The following PUDP variants were observed in gnomAD, a reference collection of about 807,000 sequenced individuals.
The protein encoded by PUDP is pseudouridine 5'-phosphatase.
In PUDP, 8 loss-of-function variants were observed where a neutral mutation model predicts 9.4. The ratio of observed to expected loss-of-function variants is 0.85; its 90% CI spans 0.50 to 1.53. PUDP has a LOEUF of 1.53. Among genes scored for constraint, PUDP ranks in the 40% most tolerant of loss-of-function variants. The pLI, the probability that PUDP is intolerant of heterozygous loss-of-function variation, is 0.00. For synonymous variants in PUDP, 99 were observed against 80.7 expected, an observed-to-expected ratio of 1.23 and a Z score of -1.22; for missense variants, 188 against 189.7, an observed-to-expected ratio of 0.99 and a Z score of 0.05.
chrX:7,129,358 A>T (rs966977436), intron 1 of PUDP, among the ~76,000 whole-genome samples: 8 of 111,777 alleles, frequency 7.2e-5, no homozygotes, highest in Non-Finnish European at 1.3e-4. Flanking sequence ...ACATGTGCCC[A>T]TTCATTCAAG....
intron 3 of PUDP, among the ~76,000 whole-genome samples, chrX:7,064,652 G>C (rs770702606): frequency 9.0e-6 from 1 of 111,487 alleles, no homozygotes; most frequent in South Asian, 3.9e-4. Flanking sequence ...TTTCTAGAGA[G>C]CTGTGTTTGG....
intron 1 of PUDP, among the ~76,000 whole-genome samples, chrX:7,038,808 T>C (rs1929885177): frequency 8.9e-6 from 1 of 112,298 alleles, no homozygotes; most frequent in Admixed American, 9.4e-5. Flanking sequence ...AAGAAAATCC[T>C]AGGTTTACTC....
At chrX:6,940,363 T>C (rs1928381875) in intron 3 of PUDP, among the ~76,000 whole-genome samples, 1 of 112,858 alleles carries the variant, frequency 8.9e-6, no homozygotes, top group Non-Finnish European at 1.9e-5. Context: ...ATTTAATTTC[T>C]GGACACTTAG....
chrX:7,020,189 T>C (rs936130546), intron 1 of PUDP, among the ~76,000 whole-genome samples: 2 of 110,603 alleles, frequency 1.8e-5, no homozygotes, highest in Non-Finnish European at 3.8e-5. Flanking sequence ...CTTCTCTGGA[T>C]ATAGAAGATG....
intron 1 of PUDP, among the ~76,000 whole-genome samples, chrX:6,990,984 T>C (rs149694966): frequency 5.4e-4 from 61 of 112,699 alleles, no homozygotes; most frequent in Non-Finnish European, 9.2e-4. Flanking sequence ...ACAAGAGTGC[T>C]GATAGTTGCT....
At chrX:6,758,773 A>G (rs1925197473) in intron 3 of PUDP, among the ~76,000 whole-genome samples, 1 of 111,371 alleles carries the variant, frequency 9.0e-6, no homozygotes, top group South Asian at 3.8e-4. Context: ...CCAAATCACT[A>G]CAGTCGCTCT....
At chrX:7,087,728 C>A (rs933757391) in intron 2 of PUDP, among the ~76,000 whole-genome samples, 1 of 112,257 alleles carries the variant, frequency 8.9e-6, no homozygotes, top group African/African-American at 3.2e-5. Flanking sequence ...TATAAACTAA[C>A]TCCTTTCAAA....
Position 7,057,957 on chromosome X carries a change from T to C in PUDP, c.511-7485A>G, listed in dbSNP as rs984580552. On this transcript the variant is annotated intron_variant, in intron 3 of 3. Transcript: ENST00000381077. ...TTCCTCCCCAGGTCTCACTTCCCGG[T>C]GATGCTTCCACCTTTGGCTCCTCCC... 9 of 460,214 alleles carry C rather than the reference T, an allele frequency of 2.0e-5. No homozygotes were observed. The African/African-American group carries it at 2.2e-4, about 11-fold the overall frequency. The allele number at this position is 460,214 out of a possible 1,213,427, so 37.9% of individuals were successfully genotyped here.
intron 1 of PUDP, among the ~76,000 whole-genome samples, chrX:7,040,845 C>T (rs896679486): frequency 1.6e-4 from 18 of 110,660 alleles, no homozygotes; most frequent in African/African-American, 5.3e-4. Flanking sequence ...GACCCCCTCT[C>T]CCCATCTCTT....
At chrX:6,755,336 G>C (rs777612508) in intron 3 of PUDP, among the ~76,000 whole-genome samples, 1 of 111,637 alleles carries the variant, frequency 9.0e-6, no homozygotes, top group Non-Finnish European at 1.9e-5. Context: ...CAAACAATGA[G>C]AGTCAACTGT....
chrX:6,747,553 T>C (rs928260656), intron 3 of PUDP, among the ~76,000 whole-genome samples: 9 of 112,305 alleles, frequency 8.0e-5, no homozygotes, highest in Admixed American at 4.7e-4. Context: ...CAGGAAATAA[T>C]ATCCCACATT....
intron 3 of PUDP, among the ~76,000 whole-genome samples, chrX:6,772,083 C>A (rs1297348509): frequency 8.9e-6 from 1 of 112,013 alleles, no homozygotes. Flanking sequence ...TCAGTAAAAT[C>A]TTTTTAAAAA....
At chrX:6,910,736 G>A (rs2146757210) in intron 3 of PUDP, among the ~76,000 whole-genome samples, 1 of 112,097 alleles carries the variant, frequency 8.9e-6, no homozygotes, top group East Asian at 2.8e-4. Context: ...GTTGCTTGGG[G>A]TGCACACCTG....
intron 3 of PUDP, among the ~76,000 whole-genome samples, chrX:6,815,031 C>A (rs1002653238): frequency 1.8e-5 from 2 of 111,246 alleles, no homozygotes; most frequent in Non-Finnish European, 3.8e-5. Context: ...TGTTGCTATT[C>A]ATGATTGTTT....
At chrX:7,122,817 G>A (rs1407127006) in intron 1 of PUDP, among the ~76,000 whole-genome samples, 1 of 112,396 alleles carries the variant, frequency 8.9e-6, no homozygotes, top group Admixed American at 9.4e-5. Context: ...GTTACGTTAT[G>A]AGTTTGTATA....
chrX:6,877,578 C>T (rs779209207), intron 3 of PUDP, among the ~76,000 whole-genome samples: 4 of 111,247 alleles, frequency 3.6e-5, no homozygotes, highest in Admixed American at 2.9e-4. Flanking sequence ...TGAGAGTCAA[C>T]GACGAAGTCC....
Position 6,994,935 on chromosome X carries a change from G to T in PUDP, c.205-16592C>A, listed in dbSNP as rs1408816813. Among the ~76,000 whole-genome samples the T allele has an allele frequency of 5.4e-5, 6 of 110,481 alleles. No homozygotes were observed. The Admixed American group carries it at 5.8e-4, about 11-fold the overall frequency. On this transcript the variant is annotated intron_variant and NMD_transcript_variant, in intron 1 of 3. Coordinates refer to the PUDP transcript ENST00000655425. ...AGGGGATCCAAGGTATGTATAATTGGTACTCTCATAAAAAGAAGGGAAAGT... is the reference window on the plus strand; with the variant it reads ...AGGGGATCCAAGGTATGTATAATTGTTACTCTCATAAAAAGAAGGGAAAGT...
At chrX:6,908,691 T>TG (rs909967439) in intron 3 of PUDP, among the ~76,000 whole-genome samples, 1 of 105,825 alleles carries the variant, frequency 9.4e-6, no homozygotes, top group Non-Finnish European at 1.9e-5. Context: ...GTTGGACACC[T>TG]GTAACAGTAA....
At chrX:6,741,981 G>A (rs1490668373) in intron 3 of PUDP, among the ~76,000 whole-genome samples, 2 of 110,038 alleles carry the variant, frequency 1.8e-5, no homozygotes. Flanking sequence ...TCAGCCTCCC[G>A]AGTAGCTGGG....
Sources: allele counts gnomAD v4.1 joint callset (sites outside exome capture counted in the v4.1 genomes callset), GRCh38; gene constraint gnomAD v4.1.1; transcripts MANE v1.5; gene names NCBI Gene and HGNC (gene_info 2026-07-23, HGNC 2026-07-21).